Variants in UBE2F observed in about 807,000 individuals in gnomAD.
The protein encoded by UBE2F is NEDD8-conjugating enzyme UBE2F.
UBE2F carries 5 observed loss-of-function variants against 29.6 expected under a neutral mutation model. That is an observed-to-expected ratio of 0.17 (90% CI 0.09 to 0.36). The LOEUF (loss-of-function observed/expected upper bound fraction) is 0.36. Ranked by LOEUF, UBE2F falls within the 10% of genes least tolerant of loss-of-function variation. The probability of loss-of-function intolerance (pLI) is 1.00; values close to 1 mark genes in which losing one functional copy is unlikely to be tolerated. For synonymous variants in UBE2F, 66 were observed against 81.8 expected, an observed-to-expected ratio of 0.81 and a Z score of 1.04; for missense variants, 141 against 228.5, an observed-to-expected ratio of 0.62 and a Z score of 2.47.
chr2:238,012,247 T>G (rs2064051854), intron 4 of UBE2F, among the ~76,000 whole-genome samples: 1 of 152,134 alleles, frequency 6.6e-6, no homozygotes, highest in Non-Finnish European at 1.5e-5. Context: ...TTCCATTTTG[T>G]TGAAAGTAGA....
intron 2 of UBE2F, among the ~76,000 whole-genome samples, chr2:237,981,707 ACCTCTG>A (rs1308715296): frequency 7.5e-6 from 1 of 132,658 alleles, no homozygotes; most frequent in Non-Finnish European, 1.5e-5. Context: ...GCACACTGTA[ACCTCTG>A]CCTCTTGGGC....
intron 6 of UBE2F, among the ~76,000 whole-genome samples, chr2:238,030,157 G>C (rs1020985143): frequency 1.3e-5 from 2 of 151,958 alleles, no homozygotes; most frequent in African/African-American, 4.8e-5. Context: ...TCAAACTCCT[G>C]GACCCAAGCT....
At chr2:238,032,288 C>T (rs1026848695) in intron 8 of UBE2F, 34 bp downstream of exon 8, 3 of 1,575,160 alleles carry the variant, frequency 1.9e-6, no homozygotes, top group Middle Eastern at 1.7e-4. Context: ...AAGTTATTCT[C>T]AATTTCCTTG....
Position 238,005,492 on chromosome 2 carries a change from G to A in UBE2F, c.214+10683G>A, listed in dbSNP as rs576087414. ...ATTACAGGCAGGAGCCACCATGCCC[G>A]GCCTTATTTTTTTAAAAGCAGAAGT... On this transcript the variant is annotated intron_variant, in intron 4 of 9. Coordinates refer to ENST00000272930, the MANE Select transcript of UBE2F (RefSeq NM_080678.3). 3.9e-5 allele frequency among the ~76,000 whole-genome samples: 6 copies of A among 152,160 alleles called. No individual in the cohort carries two copies. In the East Asian group the frequency reaches 5.8e-4, roughly 15 times the overall value.
At chr2:237,977,629 T>C (rs1321220227) in intron 2 of UBE2F, among the ~76,000 whole-genome samples, 2 of 152,128 alleles carry the variant, frequency 1.3e-5, no homozygotes, top group Non-Finnish European at 2.9e-5. Context: ...TTCTATCCTC[T>C]GGGGAGTTAT....
intron 1 of UBE2F, among the ~76,000 whole-genome samples, chr2:237,972,585 G>A (rs945361275): frequency 7.1e-5 from 9 of 126,928 alleles, no homozygotes; most frequent in East Asian, 2.2e-4. Context: ...GGGTCTTGCC[G>A]TGTCACACAG....
chr2:237,967,115 CT>C lies in UBE2F; in HGVS notation c.-33del. 1 of 1,340,800 alleles carries C rather than the reference CT, an allele frequency of 7.5e-7. No individual in the cohort carries two copies. Among genetic ancestry groups the C allele is most frequent in the South Asian group, 1.7e-5 (1 of 57,342 alleles). 83.1% of individuals were successfully genotyped at this position (1,340,800 alleles called of 1,614,324 possible). Reference sequence around the variant, plus strand: ...GTGTTGGGCGCCGGGCCCGCCTCGCCTGTCTCGGGGAGCCCAGGTGAGGAGC... The same window carrying C: ...GTGTTGGGCGCCGGGCCCGCCTCGCCGTCTCGGGGAGCCCAGGTGAGGAGC... On this transcript the variant is annotated 5_prime_UTR_variant, in exon 1 of 10. It removes the in-frame stop codon of an upstream open reading frame in the 5' UTR. Transcript: ENST00000272930. The surrounding 1 kb of genome is among the most constrained non-coding windows in gnomAD (Gnocchi z 6.3).
chr2:237,990,799 T>C (rs903731062), intron 3 of UBE2F, among the ~76,000 whole-genome samples: 8 of 150,496 alleles, frequency 5.3e-5, no homozygotes, highest in African/African-American at 1.7e-4. Flanking sequence ...TATTTTTTTG[T>C]AGAGATGGAG....
At chr2:237,974,064 G>A (rs1311220099) in intron 2 of UBE2F, among the ~76,000 whole-genome samples, 1 of 152,052 alleles carries the variant, frequency 6.6e-6, no homozygotes, top group Non-Finnish European at 1.5e-5. Context: ...CACAATCTTG[G>A]CTCACTGCAA....
chr2:238,005,344 A>G (rs934364564), intron 4 of UBE2F, among the ~76,000 whole-genome samples: 4 of 152,026 alleles, frequency 2.6e-5, no homozygotes, highest in Non-Finnish European at 5.9e-5. Flanking sequence ...CCACAGGAAC[A>G]TGCTACCACA....
At chr2:237,974,048 C>T (rs752439525) in intron 2 of UBE2F, among the ~76,000 whole-genome samples, 14 of 152,118 alleles carry the variant, frequency 9.2e-5, no homozygotes, top group Admixed American at 2.6e-4. Flanking sequence ...GGCTGGAGTG[C>T]GGTGGCACAA....
chr2:237,986,008 T>C (rs185488233), intron 2 of UBE2F, among the ~76,000 whole-genome samples: 135 of 152,238 alleles, frequency 8.9e-4, no homozygotes, highest in Middle Eastern at 6.8e-3. Context: ...TGTCTATTCA[T>C]GTTTTTTGCC....
At chr2:238,025,519 AT>A in intron 6 of UBE2F, 107 bp downstream of exon 6, 1 of 1,039,978 alleles carries the variant, frequency 9.6e-7, no homozygotes, top group Non-Finnish European at 1.5e-6. Flanking sequence ...CATGGCCAAG[AT>A]TAGGAAGGGC....
intron 2 of UBE2F, chr2:237,986,322 G>A (rs1041514472): frequency 3.4e-5 from 6 of 174,958 alleles, no homozygotes; most frequent in Non-Finnish European, 7.4e-5. Flanking sequence ...ATTAATTTTT[G>A]TATATTTTGT....
chr2:238,030,926 A>C (rs112290337), intron 7 of UBE2F, among the ~76,000 whole-genome samples: 3 of 152,234 alleles, frequency 2.0e-5, no homozygotes, highest in Non-Finnish European at 4.4e-5. Context: ...CATTCATTCA[A>C]CAGGGATGTC....
intron 1 of UBE2F, among the ~76,000 whole-genome samples, chr2:237,970,621 A>G (rs1184355886): frequency 1.3e-5 from 2 of 152,242 alleles, no homozygotes; most frequent in Non-Finnish European, 2.9e-5. Context: ...TAAGGGGTTT[A>G]GGGTATGTGT....
intron 8 of UBE2F, among the ~76,000 whole-genome samples, chr2:238,034,144 G>C (rs1002573129): frequency 6.6e-6 from 1 of 152,012 alleles, no homozygotes; most frequent in Admixed American, 6.6e-5. Context: ...AAAATTGTTG[G>C]CTAGGCGCAG....
intron 7 of UBE2F, among the ~76,000 whole-genome samples, chr2:238,031,373 G>T (rs867778771): frequency 6.6e-6 from 1 of 152,164 alleles, no homozygotes; most frequent in Non-Finnish European, 1.5e-5. Context: ...TGGGGAACAC[G>T]TCTCATGAAC....
At chr2:238,021,553 C>T (rs542179429) in intron 5 of UBE2F, among the ~76,000 whole-genome samples, 1 of 152,320 alleles carries the variant, frequency 6.6e-6, no homozygotes, top group Non-Finnish European at 1.5e-5. Context: ...TGGACGTACA[C>T]ATTCATGTCA....
Sources: gnomAD v4.1 joint callset for allele counts (sites outside exome capture counted in the v4.1 genomes callset) on GRCh38, gnomAD v4.1.1 for gene constraint, Gnocchi (gnomAD v3.1) non-coding constraint, MANE v1.5 for transcripts, NCBI Gene and HGNC (gene_info 2026-07-23, HGNC 2026-07-21) for gene names.